Variants in AVEN observed in about 807,000 individuals in gnomAD.
AVEN encodes cell death regulator Aven.
In AVEN, 41 loss-of-function variants were observed where a neutral mutation model predicts 38.1. The ratio of observed to expected loss-of-function variants is 1.08; its 90% CI spans 0.84 to 1.40. AVEN has a LOEUF of 1.40. Ranked by LOEUF, AVEN falls within the 40% of genes most tolerant of loss-of-function variation. AVEN has a pLI of 0.00. For missense variants in AVEN, 605 were observed against 438.8 expected (o/e 1.38, Z -3.38); for synonymous variants, 206 against 171.8 (o/e 1.20, Z -1.56).
chr15:33,854,547 G>A, downstream of AVEN: 1 of 1,124,178 alleles, frequency 8.9e-7, no homozygotes, highest in Non-Finnish European at 1.3e-6. Flanking sequence ...TTCAGGGATT[G>A]CTTATCAAAG....
chr15:33,975,237 CA>C (rs1895834076), intron 2 of AVEN, among the ~76,000 whole-genome samples: 1 of 152,156 alleles, frequency 6.6e-6, no homozygotes, highest in Non-Finnish European at 1.5e-5. Context: ...AGAGGATTCA[CA>C]AAGATATTCT....
intron 1 of AVEN, among the ~76,000 whole-genome samples, chr15:34,038,312 T>G (rs1042741693): frequency 6.6e-6 from 1 of 152,222 alleles, no homozygotes; most frequent in Non-Finnish European, 1.5e-5. Flanking sequence ...GTACTAGGCA[T>G]TGCACAGACA....
intron 5 of AVEN, among the ~76,000 whole-genome samples, chr15:34,047,106 C>A (rs1899727284): frequency 6.7e-6 from 1 of 148,992 alleles, no homozygotes; most frequent in Admixed American, 6.7e-5. Flanking sequence ...GAGACGGAGT[C>A]TCGTTCTGTC....
intron 2 of AVEN, among the ~76,000 whole-genome samples, chr15:33,942,343 A>G (rs1894347913): frequency 6.6e-6 from 1 of 152,242 alleles, no homozygotes; most frequent in African/African-American, 2.4e-5. Flanking sequence ...AAAGTCTTAC[A>G]TTATTGACAT....
chr15:33,996,119 G>C (rs544114), intron 2 of AVEN, among the ~76,000 whole-genome samples: 72,176 of 152,146 alleles, frequency 0.47, 20,648 homozygotes, highest in Non-Finnish European at 0.64. Flanking sequence ...CAGCAGCCTG[G>C]CAGGGGGAGG....
chr15:34,051,070 C>T (rs186385177), intron 5 of AVEN, among the ~76,000 whole-genome samples: 1 of 152,316 alleles, frequency 6.6e-6, no homozygotes, highest in African/African-American at 2.4e-5. Context: ...ACCCACAGAA[C>T]TTACTCTAAA....
At chr15:33,926,364 T>C (rs1893607091) in intron 2 of AVEN, among the ~76,000 whole-genome samples, 1 of 152,174 alleles carries the variant, frequency 6.6e-6, no homozygotes. Context: ...TTTCTGGCCT[T>C]GTGAGGATTG....
chr15:33,989,224 T>C (rs1896613265), intron 2 of AVEN, among the ~76,000 whole-genome samples: 1 of 152,170 alleles, frequency 6.6e-6, no homozygotes, highest in African/African-American at 2.4e-5. Context: ...TATATGTTAG[T>C]ACCATGCTTG....
At chr15:33,863,021 G>C (rs1009637277), downstream of AVEN, among the ~76,000 whole-genome samples, 1 of 152,214 alleles carries the variant, frequency 6.6e-6, no homozygotes, top group African/African-American at 2.4e-5. Context: ...AGGTTAATGA[G>C]CCCATGGCCA....
chr15:34,033,858 G>C (rs898311951), intron 1 of AVEN, among the ~76,000 whole-genome samples: 10 of 152,100 alleles, frequency 6.6e-5, no homozygotes, highest in Non-Finnish European at 1.3e-4. Flanking sequence ...CGCAATTTCG[G>C]CTCACTGCAA....
In AVEN at chr15:33,904,669, G is replaced by A. The variant is rs899705211; in HGVS notation, c.446-28674C>T. 6.2e-4 allele frequency among the ~76,000 whole-genome samples: 74 copies of A among 119,336 alleles called. No individual in the cohort carries two copies. The South Asian group carries it at 0.02, about 32-fold the overall frequency. 78.3% of individuals were successfully genotyped at this position (119,336 alleles called of 152,430 possible). A position where few individuals can be genotyped will look rare whatever the true frequency, so the allele number is the denominator to read the frequency against. ...CTCAGGTAATCCACCTGCCTTGGCC[G>A]AGACTGTTTCTTTAAAAAAAAAAAA... is the stretch of plus-strand genomic sequence containing the variant. On this transcript the variant is annotated intron_variant, in intron 2 of 5. Coordinates refer to ENST00000306730, the MANE Select transcript of AVEN (RefSeq NM_020371.3).
intron 2 of AVEN, among the ~76,000 whole-genome samples, chr15:33,931,765 G>A (rs1893862932): frequency 6.6e-6 from 1 of 152,088 alleles, no homozygotes; most frequent in South Asian, 2.1e-4. Flanking sequence ...TAAAGAGCTT[G>A]GTCATTAGAA....
intron 2 of AVEN, among the ~76,000 whole-genome samples, chr15:33,957,396 T>C (rs985355633): frequency 2.6e-5 from 4 of 152,290 alleles, no homozygotes; most frequent in Admixed American, 1.3e-4. Context: ...TTAATCACAA[T>C]TTGACTACAT....
At chr15:33,864,166 G>A (rs778733980), downstream of AVEN, 1 of 1,612,050 alleles carries the variant, frequency 6.2e-7, no homozygotes, top group Non-Finnish European at 8.5e-7. Flanking sequence ...GATTAATAAA[G>A]ATGAAACAGA....
intron 2 of AVEN, among the ~76,000 whole-genome samples, chr15:33,999,524 C>A (rs1897059554): frequency 6.6e-6 from 1 of 152,198 alleles, no homozygotes. Flanking sequence ...AACTTACACA[C>A]CTCAGTTAAG....
At chr15:33,873,947 AC>A (rs979214115) in intron 3 of AVEN, among the ~76,000 whole-genome samples, 19 of 132,020 alleles carry the variant, frequency 1.4e-4, no homozygotes, top group African/African-American at 5.5e-4. Flanking sequence ...TCACTGCCTG[AC>A]CCTCTCAGGC....
intron 2 of AVEN, among the ~76,000 whole-genome samples, chr15:33,958,359 C>T (rs568970705): frequency 3.9e-5 from 6 of 152,158 alleles, no homozygotes; most frequent in Admixed American, 2.0e-4. Flanking sequence ...GTGGGTGGAT[C>T]GCTTAAGGCC....
chr15:33,935,276 C>T (rs190675627), intron 2 of AVEN, among the ~76,000 whole-genome samples: 15 of 152,298 alleles, frequency 9.8e-5, no homozygotes, highest in Admixed American at 7.8e-4. Flanking sequence ...TTTTCTAGGA[C>T]TCTATCACAC....
At chr15:33,855,572 C>T (rs1408724161), downstream of AVEN, among the ~76,000 whole-genome samples, 3 of 151,604 alleles carry the variant, frequency 2.0e-5, no homozygotes, top group African/African-American at 7.3e-5. Flanking sequence ...AGCAAGTAGA[C>T]ATACTGTACA....
Sources: gnomAD v4.1 joint callset for allele counts (sites outside exome capture counted in the v4.1 genomes callset) on GRCh38, gnomAD v4.1.1 for gene constraint, MANE v1.5 for transcripts, NCBI Gene and HGNC (gene_info 2026-07-23, HGNC 2026-07-21) for gene names.